The following ADCY5 variants were observed in gnomAD, a reference collection of about 807,000 sequenced individuals.
ADCY5 encodes adenylate cyclase type 5.
ADCY5 carries 30 observed loss-of-function variants against 119.7 expected under a neutral mutation model. The observed-to-expected ratio is 0.25, with a 90% CI of 0.19 to 0.34. ADCY5 has a LOEUF of 0.34. Ranked by LOEUF, ADCY5 falls within the 10% of genes least tolerant of loss-of-function variation. The probability of loss-of-function intolerance (pLI) is 1.00; values close to 1 mark genes in which losing one functional copy is unlikely to be tolerated. For missense variants in ADCY5, 1,324 were observed against 1,775.2 expected (o/e 0.75, Z 4.57); for synonymous variants, 753 against 762.2 (o/e 0.99, Z 0.20).
rs1267487937 is a variant in ADCY5, at chr3:123,282,920, T to C, written c.*1688A>G. 6.6e-6 allele frequency: 1 copy of C among 152,232 alleles called. No homozygotes were observed. The highest frequency in any genetic ancestry group is 1.5e-5 in the Non-Finnish European group (1 of 68,052). 9.4% of individuals were successfully genotyped at this position (152,232 alleles called of 1,614,324 possible). On this transcript the variant is annotated 3_prime_UTR_variant, in exon 21 of 21. Coordinates refer to ENST00000462833, the MANE Select transcript of ADCY5 (RefSeq NM_183357.3). ...CTAACCTGAGAAGCAATGGAAAGAT[T>C]TGGGCATGGGCCCTAAGGATTCCAC...
intron 1 of ADCY5, among the ~76,000 whole-genome samples, chr3:123,428,177 G>A (rs1462995884): frequency 6.6e-6 from 1 of 152,164 alleles, no homozygotes; most frequent in African/African-American, 2.4e-5. Flanking sequence ...CCCGGTCCCT[G>A]GAGTACAGTC....
intron 1 of ADCY5, among the ~76,000 whole-genome samples, chr3:123,413,539 C>T (rs115082086): frequency 0.019 from 2,956 of 152,270 alleles, 58 homozygotes; most frequent in African/African-American, 0.049. Context: ...GGGAGGATTC[C>T]GTATCCAGAG....
intron 1 of ADCY5, among the ~76,000 whole-genome samples, chr3:123,405,915 G>A (rs898317594): frequency 6.6e-6 from 1 of 152,166 alleles, no homozygotes. Context: ...GATTACAGGT[G>A]TGAGCCACCA....
rs1217015227 is a variant in ADCY5 at position 123,447,816 on chromosome 3, T to C, written c.730A>G (p.Met244Val). 1 of 1,612,626 alleles carries C rather than the reference T, an allele frequency of 6.2e-7. No individual in the cohort carries two copies. The highest frequency in any genetic ancestry group is 8.5e-7 in the Non-Finnish European group (1 of 1,179,662). ...FFRLNQSSLTMLMAVLVLVCL... is the reference protein window; with the variant it reads ...FFRLNQSSLTVLMAVLVLVCL... ...ACGAGCACCAGCACGGCCATGAGCA[T>C]GGTGAGGCTGCTCTGGTTCAGGCGG... Residue 244 changes from methionine (M) to valine (V), a missense_variant, in exon 1 of 21, where the codon ATG (methionine) becomes GTG (valine). Coordinates refer to ENST00000462833, the MANE Select transcript of ADCY5 (RefSeq NM_183357.3).
intron 1 of ADCY5, among the ~76,000 whole-genome samples, chr3:123,411,261 G>A (rs192164840): frequency 2.1e-4 from 32 of 152,238 alleles, no homozygotes; most frequent in South Asian, 6.2e-4. Context: ...CCACCATTGG[G>A]GTCCACTCAG....
chr3:123,409,256 A>G (rs1944984175), intron 1 of ADCY5, among the ~76,000 whole-genome samples: 1 of 152,058 alleles, frequency 6.6e-6, no homozygotes, highest in Admixed American at 6.5e-5. Context: ...TCCACTCAAC[A>G]CCTAGTTCCT....
chr3:123,444,111 G>T (rs1169702356), intron 1 of ADCY5, among the ~76,000 whole-genome samples: 1 of 152,210 alleles, frequency 6.6e-6, no homozygotes, highest in African/African-American at 2.4e-5. Context: ...GGTTGCCATG[G>T]CAACAGGCTC....
At chr3:123,311,316 G>A (rs372358901) in intron 12 of ADCY5, among the ~76,000 whole-genome samples, 214 of 152,340 alleles carry the variant, frequency 1.4e-3, no homozygotes, top group African/African-American at 5.0e-3. Flanking sequence ...CACCTGCAAA[G>A]GTGAGAAAAT....
intron 16 of ADCY5, 140 bp from the exon 17 acceptor site, chr3:123,296,356 T>A: frequency 9.7e-7 from 1 of 1,028,622 alleles, no homozygotes. Flanking sequence ...CTGCTCAAAC[T>A]TTGCCGCACG....
At chr3:123,409,475 T>TC (rs1465533892) in intron 1 of ADCY5, among the ~76,000 whole-genome samples, 1 of 152,186 alleles carries the variant, frequency 6.6e-6, no homozygotes, top group African/African-American at 2.4e-5. Flanking sequence ...GATGCAGCTT[T>TC]CACAGGTGGA....
At chr3:123,304,279 C>A (rs1940077145) in intron 12 of ADCY5, 96 bp from the exon 13 acceptor site, 1 of 791,670 alleles carries the variant, frequency 1.3e-6, no homozygotes, top group South Asian at 1.5e-5. Context: ...AGTGGACCCA[C>A]CTGTGTCTCT....
At chr3:123,419,210 G>A (rs1020063673) in intron 1 of ADCY5, 4 of 985,366 alleles carry the variant, frequency 4.1e-6, no homozygotes, top group Non-Finnish European at 4.8e-6. Flanking sequence ...CCATGCATCT[G>A]ACGAGCACAC....
chr3:123,380,555 C>T (rs757507025), intron 1 of ADCY5, among the ~76,000 whole-genome samples: 3 of 152,210 alleles, frequency 2.0e-5, no homozygotes, highest in Non-Finnish European at 1.5e-5. Context: ...GGCAAGCACA[C>T]ACCACAAAAG....
chr3:123,363,907 T>C (rs1474142780), intron 1 of ADCY5, among the ~76,000 whole-genome samples: 20 of 152,176 alleles, frequency 1.3e-4, no homozygotes, highest in Admixed American at 1.2e-3. Context: ...AGACTCTGCA[T>C]TAAGATGAAA....
intron 1 of ADCY5, among the ~76,000 whole-genome samples, chr3:123,389,088 T>G (rs1944323394): frequency 6.6e-6 from 1 of 152,058 alleles, no homozygotes; most frequent in African/African-American, 2.4e-5. Flanking sequence ...AGGGAATGCC[T>G]TGGGCAGGAG....
chr3:123,323,948 G>A (rs1941350436), intron 8 of ADCY5, among the ~76,000 whole-genome samples: 1 of 152,154 alleles, frequency 6.6e-6, no homozygotes, highest in Non-Finnish European at 1.5e-5. Context: ...GGGCTGGGGT[G>A]GCAATGGGGA....
chr3:123,414,006 C>G (rs1408052639), intron 1 of ADCY5, among the ~76,000 whole-genome samples: 1 of 152,166 alleles, frequency 6.6e-6, no homozygotes, highest in African/African-American at 2.4e-5. Context: ...AGTTCCCTGC[C>G]AGCCCTGATT....
chr3:123,310,442 T>A (rs146746272), intron 12 of ADCY5, among the ~76,000 whole-genome samples: 1 of 152,194 alleles, frequency 6.6e-6, no homozygotes, highest in Non-Finnish European at 1.5e-5. Context: ...GAGCTCCCTA[T>A]CCCTGGAGGT....
intron 1 of ADCY5, among the ~76,000 whole-genome samples, chr3:123,414,299 C>T (rs1237700785): frequency 1.3e-5 from 2 of 152,242 alleles, no homozygotes; most frequent in Non-Finnish European, 2.9e-5. Flanking sequence ...TGCACACTTA[C>T]TGTGCAGCTC....
Sources: gnomAD v4.1 joint callset for allele counts (sites outside exome capture counted in the v4.1 genomes callset) on GRCh38, gnomAD v4.1.1 for gene constraint, MANE v1.5 for transcripts, NCBI Gene and HGNC (gene_info 2026-07-23, HGNC 2026-07-21) for gene names.